TXNDC12: variants seen among roughly 807,000 people sequenced by gnomAD.
TXNDC12 encodes the protein thioredoxin domain containing 12.
In TXNDC12, 22 loss-of-function variants were observed where a neutral mutation model predicts 24.2. The ratio of observed to expected loss-of-function variants is 0.91; its 90% CI spans 0.65 to 1.30. TXNDC12 has a LOEUF of 1.30. TXNDC12 is among the 50% of genes most tolerant of loss of function. TXNDC12 has a pLI of 0.00. For missense variants in TXNDC12, 184 were observed against 205.8 expected (o/e 0.89, Z 0.65); for synonymous variants, 58 against 73.4 (o/e 0.79, Z 1.07).
chr1:52,038,361 G>A (rs898846579), intron 2 of TXNDC12, among the ~76,000 whole-genome samples: 1 of 151,418 alleles, frequency 6.6e-6, no homozygotes, highest in African/African-American at 2.4e-5. Flanking sequence ...ACCCAGGCTG[G>A]AGTGCAGTGG....
chr1:52,048,530 C>T (rs1206656028), intron 1 of TXNDC12, among the ~76,000 whole-genome samples: 6 of 149,752 alleles, frequency 4.0e-5, no homozygotes, highest in Non-Finnish European at 3.0e-5. Flanking sequence ...AGTCCAATGC[C>T]AAACAAGATA....
chr1:52,027,485 A>G, intron 3 of TXNDC12, 137 bp from the exon 4 acceptor site: 1 of 627,890 alleles, frequency 1.6e-6, no homozygotes. Flanking sequence ...CTTTTTTTAC[A>G]CTCTAAAAAA....
chr1:52,039,478 C>T (rs1685946913), intron 2 of TXNDC12, among the ~76,000 whole-genome samples: 1 of 152,042 alleles, frequency 6.6e-6, no homozygotes, highest in South Asian at 2.1e-4. Flanking sequence ...CAGGCATGCG[C>T]CCACCATGCC....
At chr1:52,043,992 T>G (rs1686042050) in intron 1 of TXNDC12, 1 of 152,180 alleles carries the variant, frequency 6.6e-6, no homozygotes, top group Non-Finnish European at 1.5e-5. Context: ...AAGATTTGAC[T>G]CTGAAGAGTG....
intron 1 of TXNDC12, among the ~76,000 whole-genome samples, chr1:52,047,821 T>C (rs956303799): frequency 6.6e-6 from 1 of 152,124 alleles, no homozygotes; most frequent in African/African-American, 2.4e-5. Context: ...GAGTGGGTGA[T>C]TGAAATTAAA....
intron 2 of TXNDC12, chr1:52,033,760 A>G: frequency 6.3e-7 from 1 of 1,593,886 alleles, no homozygotes; most frequent in East Asian, 2.2e-5. Flanking sequence ...CACGAGCGGC[A>G]TCCTCTCAGG....
intron 1 of TXNDC12, among the ~76,000 whole-genome samples, chr1:52,046,866 AATAT>A (rs869028968): frequency 5.4e-3 from 162 of 30,122 alleles, no homozygotes; most frequent in African/African-American, 6.4e-3. Flanking sequence ...AAAAAAAAAA[AATAT>A]ATATATATAT....
chr1:52,025,823 CT>C (rs1169704242), intron 4 of TXNDC12, among the ~76,000 whole-genome samples: 183 of 142,324 alleles, frequency 1.3e-3, no homozygotes, highest in Middle Eastern at 3.7e-3. Context: ...TAAACATTAT[CT>C]TTTTTTTTTT....
intron 2 of TXNDC12, among the ~76,000 whole-genome samples, chr1:52,040,844 A>G (rs1685974289): frequency 6.7e-6 from 1 of 150,356 alleles, no homozygotes; most frequent in Admixed American, 6.7e-5. Context: ...CAGCCTGGCC[A>G]ACATGGTGAA....
rs1686313945 is a variant in TXNDC12, at chr1:52,055,178, C to G, written c.-82G>C. 4.2e-6 allele frequency: 4 copies of G among 948,616 alleles called. No homozygotes were observed. The highest frequency in any genetic ancestry group is 3.9e-5 in the Admixed American group (2 of 51,184). The allele number at this position is 948,616 out of a possible 1,614,324, so 58.8% of individuals were successfully genotyped here. A position where few individuals can be genotyped will look rare whatever the true frequency, so the allele number is the denominator to read the frequency against. ...GACGGTCCACACAGTTCGCCGAGCG[C>G]CGCTCAGCACAACACCTCTACTTCC... On this transcript the variant is annotated 5_prime_UTR_variant, in exon 1 of 7. Coordinates refer to ENST00000371626, the MANE Select transcript of TXNDC12 (RefSeq NM_015913.4).
chr1:52,035,878 G>A (rs1431845643), intron 2 of TXNDC12, among the ~76,000 whole-genome samples: 2 of 152,198 alleles, frequency 1.3e-5, no homozygotes, highest in East Asian at 1.9e-4. Context: ...CAGGTTTAAA[G>A]AGCAGGCTCT....
chr1:52,043,976 A>C (rs41294462), intron 1 of TXNDC12: 4 of 152,342 alleles, frequency 2.6e-5, no homozygotes, highest in Non-Finnish European at 5.9e-5. Context: ...CACTTGCCTA[A>C]GGCTCAAGAT....
intron 2 of TXNDC12, among the ~76,000 whole-genome samples, chr1:52,037,860 A>G (rs1685914151): frequency 6.6e-6 from 1 of 151,918 alleles, no homozygotes; most frequent in African/African-American, 2.4e-5. Flanking sequence ...TTTTTTGCAC[A>G]AAAGAGTAGA....
rs117580366 is a variant in TXNDC12, at chr1:52,027,314, A to C, written c.246T>G (p.Ile82Met). Residue 82 changes from isoleucine (I) to methionine (M), a missense_variant, in exon 4 of 7, where the codon ATT becomes ATG. Transcript: ENST00000371626. ...TAACAAAATTATGGGAGAGTTCTGA[A>C]ATTTCCGTAGATTCTGCAAATTTGG... Reference protein sequence around the residue: ...LKPKFAESTEISELSHNFVMV... With the variant: ...LKPKFAESTEMSELSHNFVMV... 6.2e-7 allele frequency: 1 copy of C among 1,613,548 alleles called. No individual in the cohort carries two copies. Among genetic ancestry groups the C allele is most frequent in the East Asian group, 2.2e-5 (1 of 44,826 alleles).
intron 1 of TXNDC12, among the ~76,000 whole-genome samples, chr1:52,042,506 G>C (rs1172241722): frequency 6.6e-6 from 1 of 151,044 alleles, no homozygotes; most frequent in Non-Finnish European, 1.5e-5. Flanking sequence ...TGTCACCCAG[G>C]CTAGAATAAA....
intron 6 of TXNDC12, among the ~76,000 whole-genome samples, chr1:52,021,618 CTCGAG>C (rs1354722229): frequency 6.8e-6 from 1 of 147,926 alleles, no homozygotes; most frequent in Non-Finnish European, 1.5e-5. Flanking sequence ...CTTAAGTAGA[CTCGAG>C]ATGAAACTTC....
chr1:52,040,121 C>T (rs369548340), intron 2 of TXNDC12, among the ~76,000 whole-genome samples: 6 of 151,920 alleles, frequency 3.9e-5, no homozygotes, highest in Non-Finnish European at 5.9e-5. Flanking sequence ...TTAGTAGAGA[C>T]GGGGTTTTAC....
At chr1:52,032,748 C>T (rs1685789249) in intron 2 of TXNDC12, 1 of 1,613,756 alleles carries the variant, frequency 6.2e-7, no homozygotes, top group African/African-American at 1.3e-5. Context: ...CCAGTTGCGG[C>T]AAGTTCTCAT....
chr1:52,043,749 T>C (rs937768808), intron 1 of TXNDC12, among the ~76,000 whole-genome samples: 2 of 152,244 alleles, frequency 1.3e-5, no homozygotes, highest in Non-Finnish European at 2.9e-5. Flanking sequence ...ACTGGTCACA[T>C]AACTGCTAAA....
Sources: allele counts gnomAD v4.1 joint callset (sites outside exome capture counted in the v4.1 genomes callset), GRCh38; gene constraint gnomAD v4.1.1; transcripts MANE v1.5; gene names NCBI Gene and HGNC (gene_info 2026-07-23, HGNC 2026-07-21).